The following COL6A5 variants were observed in gnomAD, a reference collection of about 807,000 sequenced individuals.
COL6A5 encodes collagen alpha-5(VI) chain.
COL6A5 carries 48 observed loss-of-function variants against 65.6 expected under a neutral mutation model. The ratio of observed to expected loss-of-function variants is 0.73; its 90% CI spans 0.58 to 0.93. The LOEUF (loss-of-function observed/expected upper bound fraction) is 0.93, where lower values mean the gene tolerates loss of function less well. Ranked by LOEUF, COL6A5 falls within the 40% of genes least tolerant of loss-of-function variation. The probability of loss-of-function intolerance (pLI) is 0.00; values close to 1 mark genes in which losing one functional copy is unlikely to be tolerated. For synonymous variants in COL6A5, 291 were observed against 322.8 expected, an observed-to-expected ratio of 0.90 and a Z score of 1.05; for missense variants, 914 against 928.3, an observed-to-expected ratio of 0.98 and a Z score of 0.20.
At chr3:130,465,110 A>G (rs1389002460) in intron 5 of COL6A5, among the ~76,000 whole-genome samples, 1 of 152,110 alleles carries the variant, frequency 6.6e-6, no homozygotes, top group Non-Finnish European at 1.5e-5. Flanking sequence ...TGAGATGAAC[A>G]CTACAAGTGC....
chr3:130,385,497 G>A (rs2107647416), intron 5 of COL6A5, 133 bp downstream of exon 5: 2 of 943,330 alleles, frequency 2.1e-6, no homozygotes, highest in Non-Finnish European at 3.1e-6. Flanking sequence ...TTATTACCAT[G>A]GAGGGATTCA....
intron 7 of COL6A5, among the ~76,000 whole-genome samples, chr3:130,472,894 AAT>A (rs1409345814): frequency 8.8e-5 from 11 of 124,572 alleles, no homozygotes; most frequent in Non-Finnish European, 3.4e-5. Flanking sequence ...TAAAGCTATA[AAT>A]ATATATACAC....
At chr3:130,408,559 C>T (rs902374268) in intron 17 of COL6A5, among the ~76,000 whole-genome samples, 1 of 152,178 alleles carries the variant, frequency 6.6e-6, no homozygotes, top group Non-Finnish European at 1.5e-5. Context: ...CTCTGTCTCT[C>T]TGCCCTTGTG....
intron 7 of COL6A5, among the ~76,000 whole-genome samples, chr3:130,481,229 A>G (rs1477628213): frequency 4.9e-5 from 6 of 121,348 alleles, no homozygotes; most frequent in Non-Finnish European, 9.9e-5. Flanking sequence ...CCAGTGTGTG[A>G]TGTTCCCCTC....
At chr3:130,476,033 GA>G (rs1409075130) in intron 7 of COL6A5, among the ~76,000 whole-genome samples, 3 of 151,990 alleles carry the variant, frequency 2.0e-5, no homozygotes, top group Middle Eastern at 3.2e-3. Flanking sequence ...AGGGTGGGTT[GA>G]AGAGGAGGTA....
chr3:130,389,479 T>G (rs16827176), intron 6 of COL6A5, among the ~76,000 whole-genome samples: 2,577 of 152,100 alleles, frequency 0.017, 73 homozygotes, highest in African/African-American at 0.057. Flanking sequence ...TTCTTGGCTA[T>G]CTATGACCAT....
chr3:130,377,077 C>A (rs1935812524), intron 3 of COL6A5, among the ~76,000 whole-genome samples: 1 of 152,140 alleles, frequency 6.6e-6, no homozygotes, highest in Non-Finnish European at 1.5e-5. Context: ...TCATTTAAAT[C>A]TCATCCCTAC....
chr3:130,460,490 G>C (rs551599380), intron 5 of COL6A5, among the ~76,000 whole-genome samples: 18 of 152,220 alleles, frequency 1.2e-4, no homozygotes, highest in African/African-American at 4.1e-4. Flanking sequence ...TGTTGCTTCT[G>C]TATGTTTTGT....
chr3:130,365,197 A>T (rs1484690015), intron 1 of COL6A5, among the ~76,000 whole-genome samples: 1 of 152,244 alleles, frequency 6.6e-6, no homozygotes, highest in African/African-American at 2.4e-5. Context: ...ATGGTTTGAA[A>T]GTGGGGAAGG....
intron 17 of COL6A5, among the ~76,000 whole-genome samples, chr3:130,409,077 GAAA>G (rs1937092803): frequency 6.6e-6 from 1 of 152,134 alleles, no homozygotes; most frequent in Non-Finnish European, 1.5e-5. Flanking sequence ...CATCACTGCA[GAAA>G]CTCCTATTGG....
chr3:130,454,294 GAAC>G (rs1709514770), intron 4 of COL6A5, among the ~76,000 whole-genome samples: 1 of 152,140 alleles, frequency 6.6e-6, no homozygotes, highest in African/African-American at 2.4e-5. Context: ...TGCTGCAGAA[GAAC>G]GTCTACATGC....
chr3:130,461,248 A>G (rs1426462794), intron 5 of COL6A5, among the ~76,000 whole-genome samples: 1 of 151,672 alleles, frequency 6.6e-6, no homozygotes, highest in Non-Finnish European at 1.5e-5. Flanking sequence ...GAGTTCAGTT[A>G]AAAAAAAGTG....
At chr3:130,451,476 T>C (rs1709435707) in intron 4 of COL6A5, among the ~76,000 whole-genome samples, 1 of 151,888 alleles carries the variant, frequency 6.6e-6, no homozygotes, top group Non-Finnish European at 1.5e-5. Flanking sequence ...AAGTGACCGG[T>C]TGAGGAACCG....
chr3:130,450,869 G>C (rs1402715573), intron 4 of COL6A5, among the ~76,000 whole-genome samples: 1 of 152,132 alleles, frequency 6.6e-6, no homozygotes, highest in African/African-American at 2.4e-5. Flanking sequence ...ATAAGTATCA[G>C]AGAAACTATT....
chr3:130,447,294 A>G (rs1709329294), intron 4 of COL6A5, among the ~76,000 whole-genome samples: 1 of 152,160 alleles, frequency 6.6e-6, no homozygotes. Flanking sequence ...AGGAGCTAGC[A>G]CGAGTCACAT....
chr3:130,415,090 C>T (rs953555620), intron 22 of COL6A5, among the ~76,000 whole-genome samples: 2 of 152,028 alleles, frequency 1.3e-5, no homozygotes, highest in African/African-American at 2.4e-5. Flanking sequence ...CAGCCCAGGG[C>T]CAGTTCACAG....
exon 6 of COL6A5, chr3:130,468,937 A>T: frequency 6.2e-7 from 1 of 1,612,660 alleles, no homozygotes; most frequent in Non-Finnish European, 8.5e-7. Flanking sequence ...AGGAAGTAAA[A>T]GCTTTTATAA....
chr3:130,397,707 C>G, exon 9 of COL6A5: 1 of 1,550,180 alleles, frequency 6.5e-7, no homozygotes. Flanking sequence ...TCAGCTCTAT[C>G]AAGGGGGTGA....
At chr3:130,394,940 A>G (rs1460118199) in exon 8 of COL6A5, 2 of 1,551,586 alleles carry the variant, frequency 1.3e-6, no homozygotes, top group South Asian at 1.2e-5. Flanking sequence ...TGGCTCTGAC[A>G]GGGTATCTAA....
Sources: gnomAD v4.1 joint callset for allele counts (sites outside exome capture counted in the v4.1 genomes callset) on GRCh38, gnomAD v4.1.1 for gene constraint, MANE v1.5 for transcripts, NCBI Gene and HGNC (gene_info 2026-07-23, HGNC 2026-07-21) for gene names.